The following ITPR1 variants were observed in gnomAD, a reference collection of about 807,000 sequenced individuals.
ITPR1 encodes inositol 1,4,5-trisphosphate-gated calcium channel ITPR1.
Under a neutral mutation model 318.4 loss-of-function variants are expected in ITPR1, and 96 were observed. That is an observed-to-expected ratio of 0.30 (90% CI 0.26 to 0.36). ITPR1 has a LOEUF of 0.36. Among genes scored for constraint, ITPR1 ranks in the 10% least tolerant of loss-of-function variants. The pLI, the probability that ITPR1 is intolerant of heterozygous loss-of-function variation, is 1.00. For synonymous variants in ITPR1, 1,312 were observed against 1,289.9 expected, an observed-to-expected ratio of 1.02 and a Z score of -0.37; for missense variants, 2,440 against 3,460.2, an observed-to-expected ratio of 0.71 and a Z score of 7.40.
chr3:4,649,111 C>T (rs775760198), intron 10 of ITPR1, among the ~76,000 whole-genome samples: 8 of 152,114 alleles, frequency 5.3e-5, no homozygotes, highest in Non-Finnish European at 8.8e-5. Flanking sequence ...GAGACTTTCT[C>T]ATCTTTCAGA....
chr3:4,545,592 C>T (rs2084900987), intron 4 of ITPR1, among the ~76,000 whole-genome samples: 3 of 135,382 alleles, frequency 2.2e-5, no homozygotes, highest in South Asian at 2.3e-4. Context: ...CACTGCACTG[C>T]AGCCTGGGCA....
intron 61 of ITPR1, among the ~76,000 whole-genome samples, chr3:4,840,301 C>T (rs975017775): frequency 2.4e-4 from 37 of 151,984 alleles, no homozygotes; most frequent in African/African-American, 8.4e-4. Context: ...AATTCTTGCC[C>T]TTTGTGGGAA....
At chr3:4,689,787 G>C (rs573875364) in intron 31 of ITPR1, among the ~76,000 whole-genome samples, 1 of 152,292 alleles carries the variant, frequency 6.6e-6, no homozygotes, top group East Asian at 1.9e-4. Flanking sequence ...TACAAGGCAT[G>C]CAAAGAACAC....
At chr3:4,656,432 A>G (rs1281089059) in intron 12 of ITPR1, among the ~76,000 whole-genome samples, 1 of 152,232 alleles carries the variant, frequency 6.6e-6, no homozygotes, top group Non-Finnish European at 1.5e-5. Context: ...CTGCAGTTGT[A>G]GAAGTGTTCT....
At chr3:4,514,563 T>G (rs1173115670) in intron 2 of ITPR1, among the ~76,000 whole-genome samples, 1 of 152,190 alleles carries the variant, frequency 6.6e-6, no homozygotes, top group Non-Finnish European at 1.5e-5. Context: ...GGCTGAATGC[T>G]TATCTGAAGG....
chr3:4,744,904 CCTTCCTTCCTTCCT>C (rs2043971721), intron 44 of ITPR1, among the ~76,000 whole-genome samples: 1 of 4,508 alleles, frequency 2.2e-4, no homozygotes, highest in African/African-American at 5.0e-4. Context: ...CTCCCTCCTT[CCTTCCTTCCTTCCT>C]TCCTTCCTTC....
chr3:4,622,789 C>T (rs2092690876), intron 4 of ITPR1, among the ~76,000 whole-genome samples: 1 of 152,226 alleles, frequency 6.6e-6, no homozygotes, highest in Non-Finnish European at 1.5e-5. Flanking sequence ...CTTCAGTGGA[C>T]ATATCTGCAG....
intron 60 of ITPR1, among the ~76,000 whole-genome samples, chr3:4,820,774 C>T (rs1453764857): frequency 2.0e-5 from 3 of 152,304 alleles, no homozygotes; most frequent in East Asian, 1.9e-4. Flanking sequence ...GGTGCCTTCT[C>T]GCCTGCGCTG....
At chr3:4,664,693 A>G (rs529404271) in intron 16 of ITPR1, among the ~76,000 whole-genome samples, 1 of 152,350 alleles carries the variant, frequency 6.6e-6, no homozygotes, top group East Asian at 1.9e-4. Flanking sequence ...GCCTTCATTG[A>G]TTACTTGTGC....
intron 4 of ITPR1, among the ~76,000 whole-genome samples, chr3:4,547,316 TA>T (rs2085119726): frequency 1.3e-5 from 2 of 152,248 alleles, no homozygotes; most frequent in Non-Finnish European, 2.9e-5. Context: ...ATGTATTTAT[TA>T]AAGCCACTTA....
intron 54 of ITPR1, among the ~76,000 whole-genome samples, chr3:4,802,107 G>A (rs1444091360): frequency 2.0e-5 from 3 of 152,158 alleles, no homozygotes; most frequent in Admixed American, 6.5e-5. Flanking sequence ...GATTGAATCC[G>A]CATGAAAAAT....
intron 5 of ITPR1, among the ~76,000 whole-genome samples, chr3:4,633,509 A>G (rs1355966855): frequency 6.6e-6 from 1 of 152,210 alleles, no homozygotes; most frequent in Non-Finnish European, 1.5e-5. Context: ...TTAAGGAATT[A>G]GTTGTCTAGA....
chr3:4,589,690 C>T (rs1008422196), intron 4 of ITPR1, among the ~76,000 whole-genome samples: 11 of 152,022 alleles, frequency 7.2e-5, no homozygotes, highest in Non-Finnish European at 1.5e-4. Flanking sequence ...AACCAGCCTC[C>T]CACCTCATGT....
In ITPR1 at chr3:4,831,123, T is replaced by TCACACACACACA. The variant is rs1318497804; in HGVS notation, c.8029-5650_8029-5649insACACACACACAC. 4.0e-5 allele frequency: 10 copies of TCACACACACACA among 248,356 alleles called. No individual in the cohort carries two copies. The African/African-American group carries it at 4.1e-4, about 10-fold the overall frequency. 15.4% of individuals were successfully genotyped at this position (248,356 alleles called of 1,614,324 possible). On this transcript the variant is annotated intron_variant, in intron 60 of 61. Coordinates refer to ENST00000649015, the MANE Select transcript of ITPR1 (RefSeq NM_001378452.1). ...CTGTCTTTGTCTCTCTCTCTCTCTC[T>TCACACACACACA]CTCTCTCTCACACACACACACACAC...
At chr3:4,518,731 C>T (rs994135620) in intron 3 of ITPR1, among the ~76,000 whole-genome samples, 3 of 152,140 alleles carry the variant, frequency 2.0e-5, no homozygotes, top group African/African-American at 7.2e-5. Flanking sequence ...TGTGTGTGCA[C>T]ACTACTCAGT....
At chr3:4,836,406 TTA>T (rs1339409367) in intron 60 of ITPR1, among the ~76,000 whole-genome samples, 1 of 152,184 alleles carries the variant, frequency 6.6e-6, no homozygotes, top group Non-Finnish European at 1.5e-5. Context: ...ATGGTAAATT[TTA>T]TGTTATGCAT....
chr3:4,704,586 T>C (rs2094719977), intron 36 of ITPR1, among the ~76,000 whole-genome samples: 2 of 152,182 alleles, frequency 1.3e-5, no homozygotes. Context: ...TTGTGCTTGT[T>C]GAGGCCAAAG....
chr3:4,814,956 C>A, intron 58 of ITPR1, 97 bp from the exon 59 acceptor site: 1 of 1,002,982 alleles, frequency 1.0e-6, no homozygotes, highest in African/African-American at 1.6e-5. Flanking sequence ...TTAATTTCTA[C>A]CCAAGTAGAT....
chr3:4,574,005 G>A lies in ITPR1; in HGVS notation c.163+52911G>A, dbSNP rs528609788. Reference sequence around the variant, plus strand: ...GAATGAGTGCGTAAAATAATATTTTGTAGCCATGTGTTTAAGCAGCTTTGG... The same window carrying A: ...GAATGAGTGCGTAAAATAATATTTTATAGCCATGTGTTTAAGCAGCTTTGG... On this transcript the variant is annotated intron_variant, in intron 4 of 61. Coordinates refer to ENST00000649015, the MANE Select transcript of ITPR1 (RefSeq NM_001378452.1). 9.7e-4 allele frequency among the ~76,000 whole-genome samples: 148 copies of A among 152,290 alleles called. 1 individual carries two copies. Among genetic ancestry groups the A allele is most frequent in the African/African-American group, 3.3e-3 (137 of 41,554 alleles).
Sources: gnomAD v4.1 joint callset for allele counts (sites outside exome capture counted in the v4.1 genomes callset) on GRCh38, gnomAD v4.1.1 for gene constraint, MANE v1.5 for transcripts, NCBI Gene and HGNC (gene_info 2026-07-23, HGNC 2026-07-21) for gene names.